The following RREB1 variants were observed in gnomAD, a reference collection of about 807,000 sequenced individuals.
The protein encoded by RREB1 is ras-responsive element-binding protein 1.
Under a neutral mutation model 117.8 loss-of-function variants are expected in RREB1, and 27 were observed. The observed-to-expected ratio is 0.23, with a 90% confidence interval of 0.17 to 0.32. RREB1 has a LOEUF of 0.32. Among genes scored for constraint, RREB1 ranks in the 10% least tolerant of loss-of-function variants. The probability of loss-of-function intolerance (pLI) is 1.00; values close to 1 mark genes in which losing one functional copy is unlikely to be tolerated. For synonymous variants in RREB1, 1,298 were observed against 1,026.7 expected (o/e 1.26, Z -5.05); for missense variants, 2,577 against 2,378.2 (o/e 1.08, Z -1.74).
At chr6:7,241,087 ACT>A (rs1009683392) in intron 11 of RREB1, among the ~76,000 whole-genome samples, 1 of 151,412 alleles carries the variant, frequency 6.6e-6, no homozygotes, top group African/African-American at 2.4e-5. Flanking sequence ...CTTTTCAATA[ACT>A]CTCTTCCCGG....
intron 6 of RREB1, among the ~76,000 whole-genome samples, chr6:7,209,697 C>A (rs1057086839): frequency 3.3e-5 from 5 of 151,794 alleles, no homozygotes; most frequent in African/African-American, 1.2e-4. Context: ...TGCACTCCAG[C>A]CTGGGCGACA....
rs1764517193 is a variant in RREB1 at position 7,176,785 on chromosome 6, A to G, written c.-166+12A>G. 1 of 152,642 alleles carries G rather than the reference A, an allele frequency of 6.6e-6. No homozygotes were observed. Among genetic ancestry groups the G allele is most frequent in the Non-Finnish European group, 1.5e-5 (1 of 68,046 alleles). The allele number at this position is 152,642 out of a possible 1,614,324, so 9.5% of individuals were successfully genotyped here. On this transcript the variant is annotated intron_variant, in intron 2 of 12. Coordinates refer to ENST00000379938, the MANE Select transcript of RREB1 (RefSeq NM_001003699.4). ...CACAAAGAAAACAGGTTAGTGAAACAGTTTTCACTCGCAGTGAGTCACAAT... is the reference window on the plus strand; with the variant it reads ...CACAAAGAAAACAGGTTAGTGAAACGGTTTTCACTCGCAGTGAGTCACAAT...
At position 7,246,454 on chromosome 6, in the gene RREB1, C is replaced by T. The variant is rs2113197406; in HGVS notation, c.4004C>T (p.Ala1335Val). ...CAGTCGGATGCGGAGACTGCAGCCGCCGCGGGCGAAGTGCTAGACCTCACC... is the reference window on the plus strand; with the variant it reads ...CAGTCGGATGCGGAGACTGCAGCCGTCGCGGGCGAAGTGCTAGACCTCACC... ...DSQSDAETAA[A>V]AGEVLDLTSR... Residue 1335 changes from alanine to valine, a missense_variant, in exon 12 of 13, where the codon GCC becomes GTC. By Grantham distance (64) the Ala-to-Val change is moderately conservative. Transcript: ENST00000379938. The T allele has an allele frequency of 6.6e-7, 1 of 1,507,756 alleles. No individual in the cohort carries two copies. The allele number at this position is 1,507,756 out of a possible 1,614,324, so 93.4% of individuals were successfully genotyped here. A position where few individuals can be genotyped will look rare whatever the true frequency, so the allele number is the denominator to read the frequency against.
chr6:7,156,137 A>C (rs1010735443), intron 1 of RREB1, among the ~76,000 whole-genome samples: 1 of 152,234 alleles, frequency 6.6e-6, no homozygotes, highest in Non-Finnish European at 1.5e-5. Context: ...TTAAGAGTCT[A>C]GACTTTTCGT....
intron 1 of RREB1, among the ~76,000 whole-genome samples, chr6:7,167,414 C>T (rs941894542): frequency 1.4e-5 from 2 of 139,790 alleles, no homozygotes; most frequent in African/African-American, 5.4e-5. Context: ...AGTGCAATGG[C>T]ACTATCTTGG....
Position 7,246,857 on chromosome 6 carries a change from G to A in RREB1, c.4407G>A (p.Ala1469=), listed in dbSNP as rs1197948030. Residue 1469 remains alanine (A), a synonymous_variant, in exon 12 of 13, where the codon GCG becomes GCA. Coordinates refer to ENST00000379938, the MANE Select transcript of RREB1 (RefSeq NM_001003699.4). ...GCACCCTGAGCCGCCACCGGAAGGC[G>A]CACGGCCGCCAGGAGCCCAAGGACG... The part of the protein sequence containing the change: ...FLGTLSRHRK[A]HGRQEPKDEK... The A allele has an allele frequency of 3.9e-6, 6 of 1,552,896 alleles. No homozygotes were observed. The highest frequency in any genetic ancestry group is 4.8e-5 in the East Asian group (2 of 41,266).
At chr6:7,218,917 C>G (rs1324326085) in intron 8 of RREB1, 4 of 150,390 alleles carry the variant, frequency 2.7e-5, no homozygotes, top group African/African-American at 9.8e-5. Flanking sequence ...CCTAAATAGG[C>G]AGACTGTGTA....
In RREB1 at chr6:7,231,013, T is replaced by A; in HGVS notation, c.2914T>A (p.Cys972Ser). ...EAGSSEQPSPCPAPGPSLPVT... is the reference protein window; with the variant it reads ...EAGSSEQPSPSPAPGPSLPVT... ...GGGGAGCAGCGAGCAGCCCTCTCCCTGCCCAGCACCCGGCCCTTCTCTTCC... is the reference window on the plus strand; with the variant it reads ...GGGGAGCAGCGAGCAGCCCTCTCCCAGCCCAGCACCCGGCCCTTCTCTTCC... Residue 972 changes from cysteine to serine, a missense_variant, in exon 10 of 13, where the codon TGC becomes AGC. By Grantham distance (112) the Cys-to-Ser change is moderately radical. Transcript: ENST00000379938. 6.2e-7 allele frequency: 1 copy of A among 1,614,054 alleles called. No individual in the cohort carries two copies. The highest frequency in any genetic ancestry group is 8.5e-7 in the Non-Finnish European group (1 of 1,180,012).
chr6:7,195,176 T>G (rs1342876852), intron 6 of RREB1, among the ~76,000 whole-genome samples: 1 of 152,130 alleles, frequency 6.6e-6, no homozygotes, highest in Non-Finnish European at 1.5e-5. Context: ...TTTTACTTTT[T>G]GCTACACTTA....
At chr6:7,111,645 G>C (rs1334712745) in intron 1 of RREB1, among the ~76,000 whole-genome samples, 2 of 152,272 alleles carry the variant, frequency 1.3e-5, no homozygotes, top group East Asian at 3.9e-4. Context: ...GACCTGGGAA[G>C]GTAGGATGTT....
intron 6 of RREB1, among the ~76,000 whole-genome samples, chr6:7,201,479 T>C (rs1319281215): frequency 6.6e-6 from 1 of 151,926 alleles, no homozygotes; most frequent in Non-Finnish European, 1.5e-5. Flanking sequence ...AGGAAGGTGA[T>C]TAGTGGCAAC....
intron 1 of RREB1, among the ~76,000 whole-genome samples, chr6:7,172,076 G>A (rs760342062): frequency 2.6e-5 from 4 of 151,916 alleles, no homozygotes; most frequent in Non-Finnish European, 5.9e-5. Flanking sequence ...CTCCCAAGTA[G>A]CTGGGACTGC....
intron 6 of RREB1, among the ~76,000 whole-genome samples, chr6:7,194,183 C>G (rs1346543568): frequency 2.0e-5 from 3 of 152,104 alleles, no homozygotes; most frequent in Non-Finnish European, 4.4e-5. Flanking sequence ...TAGCATAGCC[C>G]TTGGTACTAT....
chr6:7,234,516 G>A (rs1768197303), intron 10 of RREB1, among the ~76,000 whole-genome samples: 1 of 152,206 alleles, frequency 6.6e-6, no homozygotes, highest in Non-Finnish European at 1.5e-5. Flanking sequence ...ATGCCAAAAT[G>A]TCAGTGTTGG....
intron 6 of RREB1, among the ~76,000 whole-genome samples, chr6:7,196,096 G>A (rs1031040779): frequency 1.3e-5 from 2 of 151,942 alleles, no homozygotes; most frequent in Non-Finnish European, 2.9e-5. Flanking sequence ...ACACGCACAC[G>A]TGGGATGCAC....
At chr6:7,240,727 C>CCCACAG in intron 11 of RREB1, 125 bp downstream of exon 11, 1 of 784,436 alleles carries the variant, frequency 1.3e-6, no homozygotes, top group Non-Finnish European at 2.0e-6. Context: ...GGATTCAGAG[C>CCCACAG]CCACAGCCTG....
chr6:7,148,186 A>C (rs925443525), intron 1 of RREB1, among the ~76,000 whole-genome samples: 1 of 152,130 alleles, frequency 6.6e-6, no homozygotes, highest in African/African-American at 2.4e-5. Flanking sequence ...TCCTACCTTG[A>C]TTCCCATTGA....
At chr6:7,152,579 C>CT (rs1028612231) in intron 1 of RREB1, among the ~76,000 whole-genome samples, 5 of 152,078 alleles carry the variant, frequency 3.3e-5, no homozygotes, top group Non-Finnish European at 5.9e-5. Context: ...GAGTGTTTAC[C>CT]TTTTTTTTCC....
chr6:7,119,495 G>A (rs934964730), intron 1 of RREB1, among the ~76,000 whole-genome samples: 2 of 152,312 alleles, frequency 1.3e-5, no homozygotes, highest in East Asian at 3.9e-4. Context: ...TTGTGGAAGT[G>A]ACATTTGAGC....
Sources: gnomAD v4.1 joint callset for allele counts (sites outside exome capture counted in the v4.1 genomes callset) on GRCh38, gnomAD v4.1.1 for gene constraint, MANE v1.5 for transcripts, NCBI Gene and HGNC (gene_info 2026-07-23, HGNC 2026-07-21) for gene names.